ADGRV1: variants seen among roughly 807,000 people sequenced by gnomAD.
The protein encoded by ADGRV1 is adhesion G protein-coupled receptor V1, also known as G-protein coupled receptor 98.
Under a neutral mutation model 596.2 loss-of-function variants are expected in ADGRV1, and 359 were observed. The observed-to-expected ratio is 0.60, with a 90% CI of 0.55 to 0.66. ADGRV1 has a LOEUF of 0.66. ADGRV1 is among the 30% of genes least tolerant of loss of function. The pLI is 0.00. For synonymous variants in ADGRV1, 2,681 were observed against 2,679.2 expected, an observed-to-expected ratio of 1.00 and a Z score of -0.02; for missense variants, 7,274 against 7,575.6, an observed-to-expected ratio of 0.96 and a Z score of 1.48.
chr5:90,886,683 G>A (rs530822436), intron 83 of ADGRV1, among the ~76,000 whole-genome samples: 1 of 152,182 alleles, frequency 6.6e-6, no homozygotes, highest in South Asian at 2.1e-4. Context: ...ATGTCTCACA[G>A]GTATCTCAAA....
intron 86 of ADGRV1, among the ~76,000 whole-genome samples, chr5:91,082,748 G>A (rs181132096): frequency 9.5e-4 from 145 of 152,258 alleles, no homozygotes; most frequent in African/African-American, 3.3e-3. Context: ...TCGTCTATGA[G>A]CCACTTTAGT....
At chr5:91,036,532 A>C (rs1784925868) in intron 85 of ADGRV1, among the ~76,000 whole-genome samples, 1 of 149,122 alleles carries the variant, frequency 6.7e-6, no homozygotes, top group African/African-American at 2.5e-5. Context: ...ACTGCACTCT[A>C]GCCTGGGCGA....
chr5:90,683,466 A>G (rs1489026617), intron 27 of ADGRV1, 120 bp from the exon 28 acceptor site: 5 of 769,822 alleles, frequency 6.5e-6, no homozygotes, highest in Non-Finnish European at 8.1e-6. Context: ...GCAGTCTTGT[A>G]GTCTGGAGAA....
Position 90,605,818 on chromosome 5 carries a change from G to A in ADGRV1, c.23-9017G>A, listed in dbSNP as rs534204429. Among the ~76,000 whole-genome samples the A allele has an allele frequency of 3.9e-5, 6 of 152,102 alleles. No homozygotes were observed. In the East Asian group the frequency reaches 1.2e-3, roughly 29 times the overall value. Reference sequence around the variant, plus strand: ...AAGAAATGATAAGGTAAGGTTTCTGGGTGAGATGTAAAACTGGTTAACATC... The same window carrying A: ...AAGAAATGATAAGGTAAGGTTTCTGAGTGAGATGTAAAACTGGTTAACATC... On this transcript the variant is annotated intron_variant, in intron 1 of 89. Coordinates refer to ENST00000405460, the MANE Select transcript of ADGRV1 (RefSeq NM_032119.4).
chr5:90,662,553 G>C (rs1030486665), intron 21 of ADGRV1, among the ~76,000 whole-genome samples: 1 of 151,692 alleles, frequency 6.6e-6, no homozygotes, highest in Admixed American at 6.6e-5. Flanking sequence ...AAATTCAGAA[G>C]TATTAAAGGT....
intron 42 of ADGRV1, among the ~76,000 whole-genome samples, chr5:90,715,854 G>A (rs11960887): frequency 0.16 from 24,646 of 151,972 alleles, 2,240 homozygotes; most frequent in East Asian, 0.41. Flanking sequence ...TAGGGTTATT[G>A]TGAGAATTAA....
chr5:90,854,033 CATT>C (rs1766787380), intron 80 of ADGRV1, 26 bp from the exon 81 acceptor site: 1 of 1,504,940 alleles, frequency 6.6e-7, no homozygotes, highest in East Asian at 2.3e-5. Context: ...TGTAAAACAT[CATT>C]ATATGTTCTG....
chr5:90,696,833 A>AT, intron 33 of ADGRV1, 104 bp from the exon 34 acceptor site: 1 of 747,444 alleles, frequency 1.3e-6, no homozygotes, highest in Non-Finnish European at 2.1e-6. Flanking sequence ...ATTCACTCAT[A>AT]TTTTTATTTA....
chr5:90,667,970 C>G (rs1771753538), intron 21 of ADGRV1, among the ~76,000 whole-genome samples: 2 of 152,106 alleles, frequency 1.3e-5, no homozygotes, highest in African/African-American at 4.8e-5. Context: ...TGCCCGTTCT[C>G]AGATCTCCAG....
At chr5:90,753,869 C>T in intron 54 of ADGRV1, 40 bp downstream of exon 54, 1 of 1,496,286 alleles carries the variant, frequency 6.7e-7, no homozygotes, top group Non-Finnish European at 9.0e-7. Flanking sequence ...TAATGAGAAG[C>T]TTCATTGGAT....
intron 86 of ADGRV1, among the ~76,000 whole-genome samples, chr5:91,084,484 A>G (rs1789687892): frequency 6.6e-6 from 1 of 152,272 alleles, no homozygotes; most frequent in South Asian, 2.1e-4. Context: ...AAAAATGCTC[A>G]TCATCACTGG....
In ADGRV1 at chr5:90,753,671, C is replaced by A; in HGVS notation, c.11219C>A (p.Thr3740Asn). Residue 3740 changes from threonine (T) to asparagine (N), a missense_variant, in exon 54 of 90, where the codon ACC becomes AAC. By Grantham distance (65) the Thr-to-Asn change is moderately conservative (BLOSUM62 0). Coordinates refer to ENST00000405460, the MANE Select transcript of ADGRV1 (RefSeq NM_032119.4). Reference protein sequence around the residue: ...ELSEVVIVTLTRITTEGVEDS... With the variant: ...ELSEVVIVTLNRITTEGVEDS... ...TCAGAGGTTGTGATTGTAACCCTCA[C>A]CCGTATCACCACAGAAGGGGTTGAG... 1.2e-6 allele frequency: 2 copies of A among 1,613,616 alleles called. No individual in the cohort carries two copies. Among genetic ancestry groups the A allele is most frequent in the South Asian group, 2.2e-5 (2 of 91,070 alleles).
At chr5:90,674,316 G>T in intron 23 of ADGRV1, 82 bp downstream of exon 23, 1 of 1,086,420 alleles carries the variant, frequency 9.2e-7, no homozygotes, top group Non-Finnish European at 1.3e-6. Context: ...GGCACTTTTT[G>T]CAAATGACGG....
chr5:90,743,639 T>G (rs1754254407), intron 50 of ADGRV1, among the ~76,000 whole-genome samples: 1 of 151,754 alleles, frequency 6.6e-6, no homozygotes, highest in African/African-American at 2.4e-5. Context: ...GCCCGGCTAA[T>G]TTTTTGTATT....
intron 85 of ADGRV1, among the ~76,000 whole-genome samples, chr5:91,048,640 ACTTT>A (rs2151299726): frequency 6.6e-6 from 1 of 152,156 alleles, no homozygotes; most frequent in East Asian, 1.9e-4. Context: ...CCTTTTCTAA[ACTTT>A]CTTTCTCTCT....
At chr5:90,898,372 T>G (rs1196934480) in intron 83 of ADGRV1, among the ~76,000 whole-genome samples, 1 of 152,146 alleles carries the variant, frequency 6.6e-6, no homozygotes, top group Non-Finnish European at 1.5e-5. Flanking sequence ...TGGTCTTCAG[T>G]GCTCATACCA....
In ADGRV1 at chr5:90,716,738, A is replaced by G. The variant is rs1484818631; in HGVS notation, c.9447+9A>G. ...AAGGTGTTCGATTCAAGGTACAGTA[A>G]GAAGCTTTAATGAGAATGGAAGTTT... On this transcript the variant is annotated intron_variant, in intron 43 of 89. Coordinates refer to ENST00000405460, the MANE Select transcript of ADGRV1 (RefSeq NM_032119.4). The G allele has an allele frequency of 5.6e-6, 9 of 1,601,016 alleles. 1 individual carries two copies. Among genetic ancestry groups the G allele is most frequent in the Admixed American group, 3.4e-5 (2 of 59,600 alleles).
chr5:90,888,622 A>G (rs1409083442), intron 83 of ADGRV1, among the ~76,000 whole-genome samples: 1 of 152,130 alleles, frequency 6.6e-6, no homozygotes, highest in East Asian at 1.9e-4. Context: ...GATATCATAT[A>G]TCATTTGGTG....
chr5:90,971,969 G>C (rs1779075069), intron 84 of ADGRV1, among the ~76,000 whole-genome samples: 1 of 152,136 alleles, frequency 6.6e-6, no homozygotes, highest in Non-Finnish European at 1.5e-5. Flanking sequence ...CTCATGGGCA[G>C]AGACACACAT....
Sources: allele counts gnomAD v4.1 joint callset (sites outside exome capture counted in the v4.1 genomes callset), GRCh38; gene constraint gnomAD v4.1.1; transcripts MANE v1.5; gene names NCBI Gene and HGNC (gene_info 2026-07-23, HGNC 2026-07-21).